LRBA: variants seen among roughly 807,000 people sequenced by gnomAD.
LRBA encodes the protein lipopolysaccharide-responsive and beige-like anchor protein.
A neutral mutation model predicts 330.0 loss-of-function variants in LRBA; 176 were observed. That is an observed-to-expected ratio of 0.53 (90% confidence interval 0.47 to 0.60). The LOEUF (loss-of-function observed/expected upper bound fraction) is 0.60. LRBA is among the 20% of genes least tolerant of loss of function. The pLI, the probability that LRBA is intolerant of heterozygous loss-of-function variation, is 0.00. For synonymous variants in LRBA, 1,230 were observed against 1,193.0 expected (o/e 1.03, Z -0.64); for missense variants, 3,259 against 3,444.8 (o/e 0.95, Z 1.35).
At chr4:150,901,164 T>C (rs1579143787) in intron 13 of LRBA, among the ~76,000 whole-genome samples, 1 of 152,038 alleles carries the variant, frequency 6.6e-6, no homozygotes, top group Admixed American at 6.6e-5. Flanking sequence ...CCGGGCGTGA[T>C]GGTACACACC....
chr4:150,325,738 A>G, intron 49 of LRBA, 71 bp downstream of exon 49: 2 of 1,062,560 alleles, frequency 1.9e-6, no homozygotes, highest in South Asian at 2.6e-5. Context: ...AAGCACAATG[A>G]AAGACTGTTA....
At chr4:150,960,101 T>G (rs1011143190) in intron 2 of LRBA, among the ~76,000 whole-genome samples, 1 of 148,788 alleles carries the variant, frequency 6.7e-6, no homozygotes, top group Non-Finnish European at 1.5e-5. Flanking sequence ...AACTGGATAA[T>G]TAAATACATC....
intron 40 of LRBA, among the ~76,000 whole-genome samples, chr4:150,512,347 T>C (rs1242428535): frequency 6.6e-6 from 1 of 152,190 alleles, no homozygotes; most frequent in African/African-American, 2.4e-5. Flanking sequence ...AAGGAACTTA[T>C]TATAAGAATT....
intron 44 of LRBA, among the ~76,000 whole-genome samples, chr4:150,444,551 G>A (rs1752340864): frequency 6.6e-6 from 1 of 152,000 alleles, no homozygotes; most frequent in Non-Finnish European, 1.5e-5. Context: ...TGCTATATAA[G>A]GCCGAAATGG....
intron 47 of LRBA, among the ~76,000 whole-genome samples, chr4:150,407,844 T>C (rs182410251): frequency 1.5e-3 from 223 of 152,174 alleles, no homozygotes; most frequent in Non-Finnish European, 2.6e-3. Flanking sequence ...ATTAAGAGAA[T>C]TGCATAAGCT....
At chr4:150,847,500 T>C (rs1397801563) in intron 26 of LRBA, among the ~76,000 whole-genome samples, 1 of 152,246 alleles carries the variant, frequency 6.6e-6, no homozygotes, top group Non-Finnish European at 1.5e-5. Flanking sequence ...CATTAGTTTA[T>C]GTAACAGACA....
chr4:150,567,892 A>G (rs1320632336), intron 40 of LRBA, among the ~76,000 whole-genome samples: 4 of 152,194 alleles, frequency 2.6e-5, no homozygotes, highest in Admixed American at 1.3e-4. Context: ...CTGCCTTCCA[A>G]TAACTTTTCA....
intron 34 of LRBA, among the ~76,000 whole-genome samples, chr4:150,776,734 C>T (rs950963380): frequency 1.3e-5 from 2 of 150,704 alleles, no homozygotes; most frequent in Non-Finnish European, 3.0e-5. Context: ...TGTTTGAACC[C>T]AGGAGGCACA....
chr4:150,689,329 G>C (rs895942200), intron 36 of LRBA, among the ~76,000 whole-genome samples: 1 of 152,052 alleles, frequency 6.6e-6, no homozygotes, highest in African/African-American at 2.4e-5. Flanking sequence ...GGCAAGGGGA[G>C]GGATAGCATT....
intron 5 of LRBA, among the ~76,000 whole-genome samples, chr4:150,918,068 T>G (rs947313294): frequency 6.6e-6 from 1 of 152,210 alleles, no homozygotes; most frequent in Non-Finnish European, 1.5e-5. Flanking sequence ...AAATCCTTCT[T>G]ATTATGTCAC....
Position 150,583,612 on chromosome 4 carries a change from C to G in LRBA, c.6330+4436G>C. ...GTGGCCTATGCCCCACATCCCTTGG[C>G]CCGGCCCCAATCGGGTGGCCGAGGT... is the stretch of plus-strand genomic sequence containing the variant. On this transcript the variant is annotated intron_variant, in intron 40 of 56. Coordinates refer to ENST00000651943, the MANE Select transcript of LRBA (RefSeq NM_001364905.1). This position sits in a 1 kb window ranked among gnomAD's most constrained non-coding sequence, Gnocchi z 9.8. 1.2e-6 allele frequency: 2 copies of G among 1,614,026 alleles called. No individual in the cohort carries two copies. The highest frequency in any genetic ancestry group is 1.7e-6 in the Non-Finnish European group (2 of 1,180,018).
At chr4:150,268,313 G>A (rs1002521266) in intron 56 of LRBA, among the ~76,000 whole-genome samples, 4 of 152,174 alleles carry the variant, frequency 2.6e-5, no homozygotes, top group African/African-American at 9.7e-5. Context: ...AAAAGTCCTA[G>A]ACAAGATGGC....
chr4:150,564,554 A>G (rs1768867528), intron 40 of LRBA, among the ~76,000 whole-genome samples: 2 of 152,224 alleles, frequency 1.3e-5, no homozygotes, highest in African/African-American at 4.8e-5. Flanking sequence ...ATTAAACTAA[A>G]GAGCTTCTGC....
chr4:150,656,789 C>T (rs1447872295), intron 37 of LRBA, among the ~76,000 whole-genome samples: 1 of 151,994 alleles, frequency 6.6e-6, no homozygotes, highest in Admixed American at 6.6e-5. Context: ...GTGCTTAGAA[C>T]AATGTTGCAA....
intron 36 of LRBA, among the ~76,000 whole-genome samples, chr4:150,689,651 C>A (rs762992582): frequency 2.0e-4 from 30 of 152,240 alleles, no homozygotes; most frequent in Admixed American, 3.3e-4. Flanking sequence ...TGAGGCCGGG[C>A]AAGATGGCTC....
intron 28 of LRBA, among the ~76,000 whole-genome samples, chr4:150,841,551 T>G (rs998930658): frequency 3.3e-5 from 5 of 152,214 alleles, no homozygotes; most frequent in Non-Finnish European, 5.9e-5. Flanking sequence ...TGAACTCAGA[T>G]TATGGTGATT....
rs1281979240 is a variant in LRBA, at chr4:150,848,851, A to G, written c.4306T>C (p.Ser1436Pro). 6.8e-6 allele frequency: 11 copies of G among 1,610,906 alleles called. No homozygotes were observed. Among genetic ancestry groups the G allele is most frequent in the Non-Finnish European group, 9.3e-6 (11 of 1,178,468 alleles). The part of the protein sequence containing the change: ...TEIEAEKSMS[S>P]GGILRQCLRL... ...AGACACTGCCGCAAAATTCCTCCAG[A>G]TGACATACTTTTTTCAGCTTCAATT... The change falls in exon 26 of 57, where the codon TCT (serine) becomes CCT (proline). Residue 1436 changes from serine (S) to proline (P), a missense_variant. Physicochemically the swap from Ser to Pro is moderately conservative, Grantham distance 74. Coordinates refer to ENST00000651943, the MANE Select transcript of LRBA (RefSeq NM_001364905.1).
chr4:150,718,536 A>C (rs1728536755), intron 36 of LRBA, among the ~76,000 whole-genome samples: 1 of 152,118 alleles, frequency 6.6e-6, no homozygotes. Flanking sequence ...TACTTCAACC[A>C]ATTGAAGTTT....
intron 2 of LRBA, among the ~76,000 whole-genome samples, chr4:150,963,329 G>A (rs1419165326): frequency 1.3e-5 from 2 of 149,394 alleles, no homozygotes; most frequent in African/African-American, 2.6e-5. Flanking sequence ...GGGATTGCAG[G>A]CATGCGCCAC....
Sources: allele counts gnomAD v4.1 joint callset (sites outside exome capture counted in the v4.1 genomes callset), GRCh38; gene constraint gnomAD v4.1.1; non-coding constraint Gnocchi (gnomAD v3.1); transcripts MANE v1.5; gene names NCBI Gene and HGNC (gene_info 2026-07-23, HGNC 2026-07-21).